HERC2: variants seen among roughly 807,000 people sequenced by gnomAD.
HERC2 encodes the protein HECT and RLD domain containing E3 ubiquitin protein ligase 2, also known as E3 ubiquitin-protein ligase HERC2.
HERC2 carries 102 observed loss-of-function variants against 537.7 expected under a neutral mutation model. That is an observed-to-expected ratio of 0.19 (90% confidence interval 0.16 to 0.22). HERC2 has a LOEUF of 0.22. HERC2 is among the 10% of genes least tolerant of loss of function. HERC2 has a pLI of 1.00. For missense variants in HERC2, 4,236 were observed against 6,198.2 expected (o/e 0.68, Z 10.63); for synonymous variants, 2,224 against 2,466.2 (o/e 0.90, Z 2.91).
At chr15:28,263,198 A>G in intron 14 of HERC2, 29 bp from the exon 15 acceptor site, 1 of 1,589,674 alleles carries the variant, frequency 6.3e-7, no homozygotes, top group Non-Finnish European at 8.6e-7. Flanking sequence ...TTTAAATAAC[A>G]ACAACTCTGC....
At position 28,194,232 on chromosome 15, in the gene HERC2, A is replaced by AT. The variant is rs543358860; in HGVS notation, c.8260+1982dup. Reference sequence around the variant, plus strand: ...AGGCGCCCGCCACCACGCCCGGCTAATTTTTTGTATTTTTAGTACAGACGG... The same window carrying AT: ...AGGCGCCCGCCACCACGCCCGGCTAATTTTTTTGTATTTTTAGTACAGACGG... On this transcript the variant is annotated intron_variant, in intron 52 of 92. Coordinates refer to ENST00000261609, the MANE Select transcript of HERC2 (RefSeq NM_004667.6). 2.0e-4 allele frequency among the ~76,000 whole-genome samples: 30 copies of AT among 149,888 alleles called. No homozygotes were observed. The East Asian group carries it at 4.9e-3, about 25-fold the overall frequency.
intron 52 of HERC2, among the ~76,000 whole-genome samples, chr15:28,195,154 AAT>A (rs1161715526): frequency 1.3e-5 from 2 of 152,202 alleles, no homozygotes; most frequent in Non-Finnish European, 2.9e-5. Context: ...TTAGGTGGAG[AAT>A]ATACTAATAA....
chr15:28,251,637 C>T (rs2075087186), intron 20 of HERC2, among the ~76,000 whole-genome samples: 1 of 151,526 alleles, frequency 6.6e-6, no homozygotes, highest in South Asian at 2.1e-4. Flanking sequence ...CCTGTCTCTA[C>T]AAAAATACAA....
At chr15:28,307,871 G>T (rs57291038) in intron 2 of HERC2, among the ~76,000 whole-genome samples, 2 of 151,974 alleles carry the variant, frequency 1.3e-5, no homozygotes, top group East Asian at 1.9e-4. Context: ...GTAGATGTGC[G>T]GATTTGTTTC....
intron 83 of HERC2, among the ~76,000 whole-genome samples, chr15:28,126,749 A>G (rs1889535185): frequency 6.6e-6 from 1 of 152,168 alleles, no homozygotes; most frequent in Non-Finnish European, 1.5e-5. Context: ...AAGACTACAC[A>G]TTGGGTACTG....
At chr15:28,294,850 C>T (rs979084520) in intron 3 of HERC2, among the ~76,000 whole-genome samples, 18 of 151,842 alleles carry the variant, frequency 1.2e-4, no homozygotes, top group Admixed American at 3.9e-4. Context: ...CAGTGTCCTA[C>T]GTTCAGCCAT....
intron 69 of HERC2, among the ~76,000 whole-genome samples, chr15:28,153,143 C>G (rs1340896632): frequency 6.6e-6 from 1 of 152,202 alleles, no homozygotes; most frequent in Non-Finnish European, 1.5e-5. Context: ...CACCTGAGGT[C>G]AGGAGTTCGA....
At position 28,117,389 on chromosome 15, in the gene HERC2, A is replaced by T; in HGVS notation, c.13273-235T>A. ...GCATGTCGCCAGTGATGTGCCCAGC[A>T]GCCCCCAGGACTAGTGTGTCTGAAC... On this transcript the variant is annotated intron_variant, in intron 86 of 92. Transcript: ENST00000261609. 3 of 699,018 alleles carry T rather than the reference A, an allele frequency of 4.3e-6. No individual in the cohort carries two copies. In the South Asian group the frequency reaches 4.5e-5, roughly 10 times the overall value. 43.3% of individuals were successfully genotyped at this position (699,018 alleles called of 1,614,324 possible).
At chr15:28,309,115 A>G (rs2076870992) in intron 2 of HERC2, among the ~76,000 whole-genome samples, 1 of 152,246 alleles carries the variant, frequency 6.6e-6, no homozygotes, top group Non-Finnish European at 1.5e-5. Context: ...TGTGCTAAAG[A>G]GAACAATGTA....
At chr15:28,155,491 T>G (rs1247425481) in intron 69 of HERC2, among the ~76,000 whole-genome samples, 1 of 152,168 alleles carries the variant, frequency 6.6e-6, no homozygotes, top group Non-Finnish European at 1.5e-5. Flanking sequence ...TATTGTGGTT[T>G]TGATTTGCAT....
chr15:28,113,140 G>A lies in HERC2; in HGVS notation c.14163C>T (p.Arg4721=). Residue 4721 remains arginine, a synonymous_variant, in exon 92 of 93, where the codon CGC becomes CGT. Coordinates refer to ENST00000261609, the MANE Select transcript of HERC2 (RefSeq NM_004667.6). The surrounding 1 kb of genome is among the most constrained non-coding windows in gnomAD (Gnocchi z 7.0). The stretch of plus-strand genomic sequence containing the variant: ...GCAGCCTCGTCCGGCCCCAGACGAA[G>A]CGAAGGAAAAGAGAGCGCTCTGTGT... ...FSNTERSLFL[R]FVWGRTRLPR... is the part of the protein sequence containing the mutation. The A allele has an allele frequency of 6.2e-7, 1 of 1,614,048 alleles. No homozygotes were observed. The highest frequency in any genetic ancestry group is 8.5e-7 in the Non-Finnish European group (1 of 1,180,034).
intron 34 of HERC2, 117 bp from the exon 35 acceptor site, chr15:28,228,526 C>T (rs1277676750): frequency 6.4e-6 from 6 of 931,386 alleles, no homozygotes; most frequent in Admixed American, 4.2e-5. Flanking sequence ...ACTGACATTT[C>T]TTCTGCATGG....
At chr15:28,284,938 A>G (rs1257964448) in intron 4 of HERC2, among the ~76,000 whole-genome samples, 3 of 148,496 alleles carry the variant, frequency 2.0e-5, no homozygotes, top group African/African-American at 7.6e-5. Flanking sequence ...AAAAAAAAAA[A>G]AAAAAAAAAA....
chr15:28,305,938 C>T (rs2076774757), intron 2 of HERC2, among the ~76,000 whole-genome samples: 1 of 152,208 alleles, frequency 6.6e-6, no homozygotes, highest in Admixed American at 6.5e-5. Context: ...TGCTCATCAT[C>T]ACTGGCCATC....
intron 2 of HERC2, among the ~76,000 whole-genome samples, chr15:28,306,085 G>A (rs1468530061): frequency 6.6e-6 from 1 of 152,228 alleles, no homozygotes; most frequent in African/African-American, 2.4e-5. Flanking sequence ...TGGTGGGACT[G>A]TAAACTAGTC....
intron 81 of HERC2, among the ~76,000 whole-genome samples, chr15:28,130,864 G>A (rs1420552079): frequency 6.6e-6 from 1 of 152,208 alleles, no homozygotes; most frequent in Admixed American, 6.5e-5. Flanking sequence ...GGTGAGGCCT[G>A]CAAGCCTCTC....
At chr15:28,233,900 T>C in intron 27 of HERC2, 104 bp from the exon 28 acceptor site, 1 of 901,680 alleles carries the variant, frequency 1.1e-6, no homozygotes. Flanking sequence ...CTAATGCTTC[T>C]GAAGCCTCGC....
At chr15:28,204,142 G>A (rs1213510595) in intron 45 of HERC2, among the ~76,000 whole-genome samples, 1 of 152,070 alleles carries the variant, frequency 6.6e-6, no homozygotes, top group East Asian at 1.9e-4. Context: ...CCAATACAAT[G>A]TAACGTCCAA....
intron 83 of HERC2, among the ~76,000 whole-genome samples, chr15:28,129,624 C>T (rs375465519): frequency 1.3e-5 from 2 of 152,214 alleles, no homozygotes; most frequent in Admixed American, 1.3e-4. Context: ...TCTAAGGACA[C>T]GTCTCAGGCT....
Sources: gnomAD v4.1 joint callset for allele counts (sites outside exome capture counted in the v4.1 genomes callset) on GRCh38, gnomAD v4.1.1 for gene constraint, Gnocchi (gnomAD v3.1) non-coding constraint, MANE v1.5 for transcripts, NCBI Gene and HGNC (gene_info 2026-07-23, HGNC 2026-07-21) for gene names.